MTA3: variants seen among roughly 807,000 people sequenced by gnomAD.
MTA3 encodes the protein metastasis-associated protein MTA3.
A neutral mutation model predicts 83.5 loss-of-function variants in MTA3; 34 were observed. The observed-to-expected ratio is 0.41, with a 90% confidence interval of 0.31 to 0.54. The LOEUF is 0.54. Ranked by LOEUF, MTA3 falls within the 20% of genes least tolerant of loss-of-function variation. The pLI, the probability that MTA3 is intolerant of heterozygous loss-of-function variation, is 0.33. For synonymous variants in MTA3, 303 were observed against 252.7 expected, an observed-to-expected ratio of 1.20 and a Z score of -1.89; for missense variants, 761 against 726.4, an observed-to-expected ratio of 1.05 and a Z score of -0.55.
At chr2:42,750,686 C>G (rs1380360314) in intron 16 of MTA3, among the ~76,000 whole-genome samples, 1 of 152,190 alleles carries the variant, frequency 6.6e-6, no homozygotes, top group Non-Finnish European at 1.5e-5. Context: ...AGGCTGGGGG[C>G]TCACCATTCA....
At chr2:42,722,774 G>A in intron 15 of MTA3, 115 bp from the exon 16 acceptor site, 1 of 1,238,108 alleles carries the variant, frequency 8.1e-7, no homozygotes, top group Non-Finnish European at 1.1e-6. Context: ...GCTGGCTCAG[G>A]AGGAACTGAC....
intron 3 of MTA3, among the ~76,000 whole-genome samples, chr2:42,598,618 T>G (rs1381217281): frequency 6.6e-6 from 1 of 152,150 alleles, no homozygotes; most frequent in South Asian, 2.1e-4. Context: ...TAAAATTTAT[T>G]TTGGATAAGA....
chr2:42,507,892 G>C lies in MTA3; in HGVS notation c.-141+12638G>C, dbSNP rs959268168. On this transcript the variant is annotated intron_variant, in intron 2 of 17. Transcript: ENST00000405592. ...ATTGCAGTGACAGAGGTTGCAGTGA[G>C]TCAAGATCTCGATGCTGCATTCCAG... 3.3e-5 allele frequency among the ~76,000 whole-genome samples: 5 copies of C among 151,304 alleles called. No homozygotes were observed. The East Asian group carries it at 7.8e-4, about 24-fold the overall frequency.
chr2:42,661,419 T>G (rs1352529424), intron 8 of MTA3, among the ~76,000 whole-genome samples: 1 of 148,374 alleles, frequency 6.7e-6, no homozygotes, highest in African/African-American at 2.5e-5. Flanking sequence ...GGAGATTGCT[T>G]GAGCCTGGGA....
At chr2:42,712,847 A>T (rs1666733414) in intron 14 of MTA3, 1 of 152,044 alleles carries the variant, frequency 6.6e-6, no homozygotes, top group African/African-American at 2.4e-5. Context: ...TCCATATTTT[A>T]TTAAAAAAAA....
chr2:42,597,560 A>G (rs369996382), intron 3 of MTA3, among the ~76,000 whole-genome samples: 99 of 145,972 alleles, frequency 6.8e-4, no homozygotes, highest in African/African-American at 2.4e-3. Context: ...TAATTTTTGT[A>G]TTTTTAGTAG....
chr2:42,496,109 T>C (rs1225375985), intron 2 of MTA3, among the ~76,000 whole-genome samples: 1 of 152,206 alleles, frequency 6.6e-6, no homozygotes, highest in African/African-American at 2.4e-5. Context: ...TCCTGTGTTC[T>C]CTCCGTAGAA....
chr2:42,713,309 A>G lies in MTA3; in HGVS notation c.1525+4213A>G, dbSNP rs116215025. On this transcript the variant is annotated intron_variant, in intron 14 of 16. Coordinates refer to ENST00000405094, the MANE Select transcript of MTA3 (RefSeq NM_001330442.2). Reference sequence around the variant, plus strand: ...AGTATCTCAAGACCCCACTTGATGAAAAATGTGTTTTATGAGATTTTTCTA... The same window carrying G: ...AGTATCTCAAGACCCCACTTGATGAGAAATGTGTTTTATGAGATTTTTCTA... 5.8e-3 allele frequency among the ~76,000 whole-genome samples: 888 copies of G among 151,864 alleles called. 5 individuals carry two copies. The highest frequency in any genetic ancestry group is 9.2e-3 in the Non-Finnish European group (627 of 68,022).
chr2:42,632,199 C>T (rs934421713), intron 4 of MTA3, among the ~76,000 whole-genome samples: 2 of 150,310 alleles, frequency 1.3e-5, no homozygotes, highest in Non-Finnish European at 2.9e-5. Flanking sequence ...ACGCCATTCT[C>T]CTGCCTCAGC....
intron 14 of MTA3, among the ~76,000 whole-genome samples, chr2:42,714,019 C>T (rs370179282): frequency 2.4e-4 from 37 of 152,318 alleles, no homozygotes; most frequent in African/African-American, 8.7e-4. Context: ...CTGCAATTCA[C>T]AGTCCCACTC....
At chr2:42,646,477 G>A (rs779087593) in intron 6 of MTA3, among the ~76,000 whole-genome samples, 2 of 152,224 alleles carry the variant, frequency 1.3e-5, no homozygotes, top group Non-Finnish European at 2.9e-5. Flanking sequence ...AACAACAACT[G>A]TAATTGATAG....
intron 6 of MTA3, among the ~76,000 whole-genome samples, chr2:42,645,744 G>C (rs1026831677): frequency 6.6e-6 from 1 of 152,152 alleles, no homozygotes; most frequent in Admixed American, 6.5e-5. Flanking sequence ...AGCCAGCAGA[G>C]GTTGGGTCAT....
At position 42,506,898 on chromosome 2, in the gene MTA3, C is replaced by G. The variant is rs1216336363; in HGVS notation, c.-141+11644C>G. Among the ~76,000 whole-genome samples, 7 of 151,370 alleles carry G rather than the reference C, an allele frequency of 4.6e-5. No homozygotes were observed. The East Asian group carries it at 1.4e-3, about 30-fold the overall frequency. ...CTGGGATTACAGGTGTGAGCCACCG[C>G]GCCTGGCCTGTTTTATTTTTTTGAG... is the stretch of plus-strand genomic sequence containing the variant. On this transcript the variant is annotated intron_variant, in intron 2 of 17. Coordinates refer to the MTA3 transcript ENST00000405592.
rs35331224 is a variant in MTA3 at position 42,615,711 on chromosome 2, CTTTTTTTTTTTTTTT to C, written c.317+6140_317+6154del. On this transcript the variant is annotated intron_variant, in intron 4 of 16. Coordinates refer to ENST00000405094, the MANE Select transcript of MTA3 (RefSeq NM_001330442.2). ...ACCACAGATACTTGAATAATCTCTT[CTTTTTTTTTTTTTTT>C]TTTTTTTTTTTTGAGACGGAGTCTC... is the stretch of plus-strand genomic sequence containing the variant. 1.8e-4 allele frequency among the ~76,000 whole-genome samples: 11 copies of C among 59,796 alleles called. 1 individual carries two copies. The highest frequency in any genetic ancestry group is 2.9e-4 in the Non-Finnish European group (10 of 34,210). The allele number at this position is 59,796 out of a possible 152,430, so 39.2% of individuals were successfully genotyped here.
At chr2:42,661,514 A>G (rs1455532168) in intron 8 of MTA3, among the ~76,000 whole-genome samples, 6 of 144,298 alleles carry the variant, frequency 4.2e-5, no homozygotes, top group Non-Finnish European at 7.5e-5. Flanking sequence ...CTCAAAAAAA[A>G]AAAAAAAAAA....
chr2:42,707,963 C>T lies in MTA3; in HGVS notation c.1211C>T (p.Ala404Val). 6.2e-7 allele frequency: 1 copy of T among 1,610,730 alleles called. No individual in the cohort carries two copies. Among genetic ancestry groups the T allele is most frequent in the Non-Finnish European group, 8.5e-7 (1 of 1,178,486 alleles). ...CCTAATATGCAGTGTAGATTATGTG[C>T]AATTTGTTGGCTTTATTGGAAAAAA... Reference protein sequence around the residue: ...GPPNMQCRLCAICWLYWKKYG... With the variant: ...GPPNMQCRLCVICWLYWKKYG... Residue 404 changes from alanine (A) to valine (V), a missense_variant, in exon 13 of 17, where the codon GCA becomes GTA. Physicochemically the swap from Ala to Val is moderately conservative, Grantham distance 64. Transcript: ENST00000405094.
chr2:42,743,364 T>C (rs1412035456), intron 16 of MTA3, among the ~76,000 whole-genome samples: 1 of 152,278 alleles, frequency 6.6e-6, no homozygotes, highest in Non-Finnish European at 1.5e-5. Context: ...TTGGAGGTGC[T>C]CTTAACCTTT....
chr2:42,549,388 A>C (rs12712851), intron 2 of MTA3, among the ~76,000 whole-genome samples: 33,960 of 109,974 alleles, frequency 0.31, 5,930 homozygotes, highest in South Asian at 0.4. Context: ...AAATATATGT[A>C]TATATTATAT....
intron 2 of MTA3, among the ~76,000 whole-genome samples, chr2:42,519,774 T>G (rs1441796774): frequency 6.6e-6 from 1 of 151,802 alleles, no homozygotes; most frequent in African/African-American, 2.4e-5. Flanking sequence ...CCAGGGCCGG[T>G]TACGGTGGCT....
Sources: gnomAD v4.1 joint callset for allele counts (sites outside exome capture counted in the v4.1 genomes callset) on GRCh38, gnomAD v4.1.1 for gene constraint, MANE v1.5 for transcripts, NCBI Gene and HGNC (gene_info 2026-07-23, HGNC 2026-07-21) for gene names.